RHOT1: variants seen among roughly 807,000 people sequenced by gnomAD.
RHOT1 encodes mitochondrial Rho GTPase 1.
Under a neutral mutation model 95.3 loss-of-function variants are expected in RHOT1, and 27 were observed. The ratio of observed to expected loss-of-function variants is 0.28; its 90% CI spans 0.21 to 0.39. The LOEUF is 0.39. RHOT1 is among the 10% of genes least tolerant of loss of function. The pLI is 1.00. For synonymous variants in RHOT1, 227 were observed against 263.5 expected, an observed-to-expected ratio of 0.86 and a Z score of 1.34; for missense variants, 578 against 786.7, an observed-to-expected ratio of 0.73 and a Z score of 3.17.
intron 11 of RHOT1, among the ~76,000 whole-genome samples, chr17:32,195,571 C>G (rs1490800348): frequency 1.1e-4 from 17 of 152,164 alleles, no homozygotes. Context: ...GATCTGGCCT[C>G]AGAGTTTTCA....
intron 2 of RHOT1, among the ~76,000 whole-genome samples, chr17:32,173,570 G>A (rs1037284644): frequency 6.6e-6 from 1 of 151,892 alleles, no homozygotes; most frequent in Admixed American, 6.6e-5. Flanking sequence ...AAAATTAGCT[G>A]GGCGCAGTGG....
At chr17:32,161,866 G>T (rs1181256217) in intron 1 of RHOT1, among the ~76,000 whole-genome samples, 1 of 152,172 alleles carries the variant, frequency 6.6e-6, no homozygotes, top group African/African-American at 2.4e-5. Context: ...ACAAAACTCG[G>T]GAAAGTGCTA....
chr17:32,175,246 T>C, intron 3 of RHOT1, 73 bp from the exon 4 acceptor site: 1 of 1,283,982 alleles, frequency 7.8e-7, no homozygotes. Flanking sequence ...GAGTGTTGCA[T>C]AGAATTTAGC....
At chr17:32,154,891 C>T (rs1175340888) in intron 1 of RHOT1, among the ~76,000 whole-genome samples, 1 of 146,680 alleles carries the variant, frequency 6.8e-6, no homozygotes, top group African/African-American at 2.5e-5. Flanking sequence ...AAGGATCCAT[C>T]TAAAAAAAAA....
chr17:32,147,742 C>T (rs1034749403), intron 1 of RHOT1, among the ~76,000 whole-genome samples: 3 of 151,840 alleles, frequency 2.0e-5, no homozygotes, highest in African/African-American at 7.3e-5. Flanking sequence ...ATCACTTGAA[C>T]CCAGGAGGCG....
intron 19 of RHOT1, among the ~76,000 whole-genome samples, chr17:32,223,149 A>G (rs2038934063): frequency 6.6e-6 from 1 of 152,018 alleles, no homozygotes; most frequent in African/African-American, 2.4e-5. Flanking sequence ...TGTGTTAAGC[A>G]TGGAGCACTC....
intron 2 of RHOT1, among the ~76,000 whole-genome samples, chr17:32,172,285 A>C (rs182852402): frequency 6.6e-6 from 1 of 152,324 alleles, no homozygotes; most frequent in African/African-American, 2.4e-5. Context: ...TTAAGAAATG[A>C]AGTATATTTT....
chr17:32,193,328 A>G (rs2036636510), intron 10 of RHOT1, 84 bp downstream of exon 10: 3 of 821,216 alleles, frequency 3.7e-6, no homozygotes, highest in Non-Finnish European at 6.2e-6. Flanking sequence ...TGCATTATTT[A>G]TACTTTAAGG....
At chr17:32,211,349 C>A in intron 19 of RHOT1, 111 bp downstream of exon 19, 1 of 945,936 alleles carries the variant, frequency 1.1e-6, no homozygotes, top group Non-Finnish European at 1.4e-6. Flanking sequence ...TGACTGATGC[C>A]CAACTAACTT....
intron 6 of RHOT1, chr17:32,179,789 G>C (rs535371767): frequency 7.2e-6 from 1 of 138,344 alleles, no homozygotes; most frequent in Non-Finnish European, 1.5e-5. Context: ...CGGCCACCCC[G>C]TCTGGGAAGT....
At chr17:32,144,567 G>A (rs973123402) in intron 1 of RHOT1, among the ~76,000 whole-genome samples, 1 of 152,066 alleles carries the variant, frequency 6.6e-6, no homozygotes, top group Non-Finnish European at 1.5e-5. Flanking sequence ...CTCCCACACA[G>A]CTGGGTGAGG....
chr17:32,181,002 A>C (rs1478680579), intron 6 of RHOT1, among the ~76,000 whole-genome samples: 1 of 152,190 alleles, frequency 6.6e-6, no homozygotes, highest in Non-Finnish European at 1.5e-5. Flanking sequence ...ACAAACCACT[A>C]CATTTTTGGA....
chr17:32,147,767 C>T (rs149387888), intron 1 of RHOT1, among the ~76,000 whole-genome samples: 149 of 149,756 alleles, frequency 9.9e-4, no homozygotes, highest in African/African-American at 3.1e-3. Flanking sequence ...GTGCAGTGAG[C>T]GGAGATTGCG....
rs145734789 is a variant in RHOT1 at position 32,193,186 on chromosome 17, G to A, written c.690G>A (p.Lys230=). Residue 230 remains lysine (K), a synonymous_variant, in exon 10 of 20, where the codon AAG becomes AAA. Transcript: ENST00000545287. ...CTCCTCAAGCTCTGGAGGATGTCAA[G>A]AATGTAGTCAGAAAACATATAAGTG... is the stretch of plus-strand genomic sequence containing the variant. ...PLAPQALEDV[K]NVVRKHISDG... is the part of the protein sequence containing the mutation. 39 of 1,613,716 alleles carry A rather than the reference G, an allele frequency of 2.4e-5. 2 individuals carry two copies. Among genetic ancestry groups the A allele is most frequent in the South Asian group, 9.9e-5 (9 of 91,034 alleles).
At chr17:32,147,651 C>G (rs1392608836) in intron 1 of RHOT1, among the ~76,000 whole-genome samples, 1 of 151,802 alleles carries the variant, frequency 6.6e-6, no homozygotes, top group Non-Finnish European at 1.5e-5. Flanking sequence ...GAAACCCTGT[C>G]CCTACTAAAC....
chr17:32,168,285 C>T (rs2034277069), intron 1 of RHOT1, among the ~76,000 whole-genome samples: 1 of 151,878 alleles, frequency 6.6e-6, no homozygotes, highest in Non-Finnish European at 1.5e-5. Context: ...ATTTTTTCCT[C>T]CAGACAGAGT....
intron 1 of RHOT1, chr17:32,151,024 G>A (rs2032217638): frequency 6.9e-7 from 1 of 1,457,266 alleles, no homozygotes; most frequent in African/African-American, 1.4e-5. Context: ...CCTGGGAGTG[G>A]GGGAAGAGGG....
Position 32,142,612 on chromosome 17 carries a change from G to A in RHOT1, c.-81G>A, listed in dbSNP as rs1439413238. 1.6e-6 allele frequency: 2 copies of A among 1,273,976 alleles called. No individual in the cohort carries two copies. The highest frequency in any genetic ancestry group is 2.1e-6 in the Non-Finnish European group (2 of 970,268). The allele number at this position is 1,273,976 out of a possible 1,614,324, so 78.9% of individuals were successfully genotyped here. On this transcript the variant is annotated 5_prime_UTR_variant, in exon 1 of 20. Coordinates refer to ENST00000545287, the MANE Select transcript of RHOT1 (RefSeq NM_001033566.3). ...CCGGCGGCCGAAGAGGCTGGCAGGT[G>A]GCGCCGTGGGGTGGGTGCTCCTGGT...
intron 11 of RHOT1, among the ~76,000 whole-genome samples, chr17:32,198,387 T>G (rs2037061883): frequency 6.6e-6 from 1 of 152,186 alleles, no homozygotes; most frequent in Admixed American, 6.5e-5. Flanking sequence ...TATTTGTAAA[T>G]TTTTTATATT....
Sources: allele counts gnomAD v4.1 joint callset (sites outside exome capture counted in the v4.1 genomes callset), GRCh38; gene constraint gnomAD v4.1.1; transcripts MANE v1.5; gene names NCBI Gene and HGNC (gene_info 2026-07-23, HGNC 2026-07-21).